Variants in LDB2 observed in about 807,000 individuals in gnomAD.
LDB2 encodes LIM domain binding 2.
A neutral mutation model predicts 44.3 loss-of-function variants in LDB2; 12 were observed. The ratio of observed to expected loss-of-function variants is 0.27; its 90% CI spans 0.17 to 0.44. The LOEUF (loss-of-function observed/expected upper bound fraction) is 0.44. Among genes scored for constraint, LDB2 ranks in the 20% least tolerant of loss-of-function variants. The pLI is 1.00. For missense variants in LDB2, 344 were observed against 473.5 expected (o/e 0.73, Z 2.54); for synonymous variants, 164 against 174.8 (o/e 0.94, Z 0.49).
At chr4:16,637,145 C>G (rs1733814545) in intron 2 of LDB2, among the ~76,000 whole-genome samples, 1 of 152,088 alleles carries the variant, frequency 6.6e-6, no homozygotes. Flanking sequence ...TCTGGCCCAA[C>G]CCAGGGAAAA....
chr4:16,621,751 G>T (rs566015090), intron 2 of LDB2, among the ~76,000 whole-genome samples: 112 of 152,124 alleles, frequency 7.4e-4, no homozygotes, highest in Non-Finnish European at 1.4e-3. Context: ...TAGAGACAAG[G>T]TCTTGTTATT....
intron 1 of LDB2, among the ~76,000 whole-genome samples, chr4:16,760,656 C>G (rs538428908): frequency 6.6e-6 from 1 of 152,180 alleles, no homozygotes; most frequent in African/African-American, 2.4e-5. Flanking sequence ...GAGACTGGTC[C>G]CTACCCTCAA....
chr4:16,617,756 A>G (rs186312644), intron 2 of LDB2, among the ~76,000 whole-genome samples: 17 of 152,314 alleles, frequency 1.1e-4, no homozygotes, highest in African/African-American at 1.7e-4. Flanking sequence ...CAGAAGAAGA[A>G]GAAGTGAAAC....
intron 2 of LDB2, among the ~76,000 whole-genome samples, chr4:16,748,420 C>T (rs1410311112): frequency 6.6e-6 from 1 of 152,108 alleles, no homozygotes. Context: ...TTCAAATACT[C>T]CAATATGATT....
At chr4:16,540,727 T>A (rs1374742143) in intron 5 of LDB2, among the ~76,000 whole-genome samples, 2 of 152,176 alleles carry the variant, frequency 1.3e-5, no homozygotes, top group Non-Finnish European at 2.9e-5. Flanking sequence ...TTTTTAAAAA[T>A]CTATAAAAAA....
chr4:16,823,431 T>A (rs1173630768), intron 1 of LDB2, among the ~76,000 whole-genome samples: 1 of 152,250 alleles, frequency 6.6e-6, no homozygotes, highest in Non-Finnish European at 1.5e-5. Flanking sequence ...ATCCCATCCC[T>A]GGCCAGGTCT....
intron 1 of LDB2, among the ~76,000 whole-genome samples, chr4:16,897,898 ATATATATAT>A (rs1725543209): frequency 1.2e-4 from 7 of 60,478 alleles, no homozygotes; most frequent in South Asian, 1.3e-3. Context: ...AAAAGAAAAT[ATATATATAT>A]ATATATATAT....
At chr4:16,718,159 A>T (rs1757482765) in intron 2 of LDB2, among the ~76,000 whole-genome samples, 2 of 152,112 alleles carry the variant, frequency 1.3e-5, no homozygotes, top group Admixed American at 6.6e-5. Flanking sequence ...CAACCCACCA[A>T]AGAATGGTCT....
intron 5 of LDB2, among the ~76,000 whole-genome samples, chr4:16,578,772 A>T: frequency 6.6e-6 from 1 of 152,232 alleles, no homozygotes; most frequent in East Asian, 1.9e-4. Context: ...CACTATTAAC[A>T]ATAGCCAAGA....
chr4:16,820,245 T>TG (rs1050356405), intron 1 of LDB2, among the ~76,000 whole-genome samples: 66 of 152,218 alleles, frequency 4.3e-4, no homozygotes, highest in South Asian at 1.0e-3. Flanking sequence ...AATACATTCA[T>TG]GGGGGGGTAG....
intron 5 of LDB2, among the ~76,000 whole-genome samples, chr4:16,515,045 T>C (rs937016114): frequency 3.9e-5 from 6 of 152,134 alleles, no homozygotes; most frequent in African/African-American, 1.4e-4. Context: ...CAAGTGCCCA[T>C]CAGTGGTGGA....
rs537010047 is a variant in LDB2, at chr4:16,505,562, A to AT, written c.892-2690dup. On this transcript the variant is annotated intron_variant, in intron 7 of 7. Transcript: ENST00000304523. ...TATTCTCACACAAAATAAATAAAGC[A>AT]TGATGCACATTCTAGGCTGCCTCTG... Among the ~76,000 whole-genome samples, 48 of 152,330 alleles carry AT rather than the reference A, an allele frequency of 3.2e-4. No homozygotes were observed. The South Asian group carries it at 8.9e-3, about 28-fold the overall frequency.
At chr4:16,803,185 C>T (rs113821517) in intron 1 of LDB2, among the ~76,000 whole-genome samples, 2 of 152,264 alleles carry the variant, frequency 1.3e-5, no homozygotes, top group African/African-American at 4.8e-5. Flanking sequence ...CTCACTGACC[C>T]TAGTTTGTTG....
At chr4:16,846,568 A>G (rs1787052375) in intron 1 of LDB2, among the ~76,000 whole-genome samples, 1 of 152,174 alleles carries the variant, frequency 6.6e-6, no homozygotes, top group Non-Finnish European at 1.5e-5. Context: ...GTAGTTTGAG[A>G]GAGTATTTCT....
rs1206900280 is a variant in LDB2, at chr4:16,828,962, T to G, written c.132+69392A>C. 3.9e-5 allele frequency among the ~76,000 whole-genome samples: 6 copies of G among 152,182 alleles called. No individual in the cohort carries two copies. In the East Asian group the frequency reaches 1.2e-3, roughly 29 times the overall value. ...ACCCCCAAAAGGCTCAGAACTTGAA[T>G]GCGTGGCTGAAGAAGATGGGTGAAG... On this transcript the variant is annotated intron_variant, in intron 1 of 7. Transcript: ENST00000304523.
intron 5 of LDB2, among the ~76,000 whole-genome samples, chr4:16,517,209 AT>A (rs1241258570): frequency 6.6e-6 from 1 of 152,076 alleles, no homozygotes; most frequent in Non-Finnish European, 1.5e-5. Context: ...TGTCTTTCAA[AT>A]TTTGTACAAA....
At chr4:16,574,190 T>A (rs1165635260) in intron 5 of LDB2, among the ~76,000 whole-genome samples, 1 of 152,082 alleles carries the variant, frequency 6.6e-6, no homozygotes, top group Non-Finnish European at 1.5e-5. Context: ...AGGCACAGGA[T>A]CAAAAACCAC....
At chr4:16,518,962 A>T (rs1296487462) in intron 5 of LDB2, among the ~76,000 whole-genome samples, 3 of 152,186 alleles carry the variant, frequency 2.0e-5, no homozygotes, top group Non-Finnish European at 4.4e-5. Context: ...GGTCCAGCTC[A>T]AATCCCACCT....
chr4:16,756,070 T>C (rs1465073839), intron 2 of LDB2, among the ~76,000 whole-genome samples: 1 of 152,230 alleles, frequency 6.6e-6, no homozygotes, highest in Admixed American at 6.5e-5. Context: ...TTCTGCTTTC[T>C]GAATGAAAGG....
Sources: gnomAD v4.1 joint callset for allele counts (sites outside exome capture counted in the v4.1 genomes callset) on GRCh38, gnomAD v4.1.1 for gene constraint, MANE v1.5 for transcripts, NCBI Gene and HGNC (gene_info 2026-07-23, HGNC 2026-07-21) for gene names.